Variants in ELOVL5 observed in about 807,000 individuals in gnomAD.
The protein encoded by ELOVL5 is ELOVL fatty acid elongase 5.
A neutral mutation model predicts 38.6 loss-of-function variants in ELOVL5; 8 were observed. The observed-to-expected ratio is 0.21, with a 90% confidence interval of 0.12 to 0.37. The LOEUF (loss-of-function observed/expected upper bound fraction) is 0.37, where lower values mean the gene tolerates loss of function less well. Ranked by LOEUF, ELOVL5 falls within the 10% of genes least tolerant of loss-of-function variation. The pLI is 1.00. For missense variants in ELOVL5, 280 were observed against 367.8 expected (o/e 0.76, Z 1.95); for synonymous variants, 127 against 133.7 (o/e 0.95, Z 0.34).
chr6:53,321,146 TG>T (rs1768289327), intron 1 of ELOVL5, among the ~76,000 whole-genome samples: 2 of 152,190 alleles, frequency 1.3e-5, no homozygotes, highest in Admixed American at 6.5e-5. Context: ...GATGTTCTGT[TG>T]GGTATGAAGC....
rs748688593 is a variant in ELOVL5, at chr6:53,269,166, CA to C, written c.860del (p.Leu287ArgfsTer5). The C allele has an allele frequency of 3.4e-5, 55 of 1,613,884 alleles. 1 individual carries two copies. In the African/African-American group the frequency reaches 5.3e-4, roughly 16 times the overall value. On this transcript the variant is annotated frameshift_variant, in exon 8 of 8. Transcript: ENST00000304434. LOFTEE classifies it high-confidence loss of function. Reference protein sequence around the residue: ...VNGHTNSFSPLENNVKPRKLR... With the variant: ...VNGHTNSFSPXENNVKPRKLR... ...GCTTCCTTGGCTTCACATTGTTTTC[CA>C]GGGGTGAAAAGCTGTTGGTGTGTCC... is the stretch of plus-strand genomic sequence containing the variant.
intron 1 of ELOVL5, among the ~76,000 whole-genome samples, chr6:53,313,721 G>T (rs1767929803): frequency 7.0e-6 from 1 of 142,852 alleles, no homozygotes; most frequent in East Asian, 2.0e-4. Flanking sequence ...AATAATAAAA[G>T]TTTACCATAT....
In ELOVL5 at chr6:53,303,976, C is replaced by T. The variant is rs186386371; in HGVS notation, c.-8-8269G>A. Among the ~76,000 whole-genome samples, 9 of 152,250 alleles carry T rather than the reference C, an allele frequency of 5.9e-5. No individual in the cohort carries two copies. In the East Asian group the frequency reaches 1.5e-3, roughly 26 times the overall value. On this transcript the variant is annotated intron_variant, in intron 1 of 7. Coordinates refer to ENST00000304434, the MANE Select transcript of ELOVL5 (RefSeq NM_021814.5). ...TACAAAGCCTACTTCCACTCCACTG[C>T]CCCTCTTGTTGCTGTCTAGACAACT...
rs138006096 is a variant in ELOVL5, at chr6:53,292,912, C to T, written c.59-949G>A. Among the ~76,000 whole-genome samples the T allele has an allele frequency of 1.7e-4, 26 of 150,946 alleles. No homozygotes were observed. In the East Asian group the frequency reaches 4.3e-3, roughly 25 times the overall value. The stretch of plus-strand genomic sequence containing the variant: ...AGTAGCATGAGAGCGAAGACCTAGG[C>T]GGATCCAGAGGAGATACTGGTATAG... On this transcript the variant is annotated intron_variant, in intron 2 of 7. Coordinates refer to ENST00000304434, the MANE Select transcript of ELOVL5 (RefSeq NM_021814.5).
chr6:53,319,292 A>G lies in ELOVL5; in HGVS notation c.-8-23585T>C, dbSNP rs1581974223. Among the ~76,000 whole-genome samples, 63 of 37,464 alleles carry G rather than the reference A, an allele frequency of 1.7e-3. 1 individual carries two copies. The highest frequency in any genetic ancestry group is 3.9e-3 in the Non-Finnish European group (44 of 11,190). 24.6% of individuals were successfully genotyped at this position (37,464 alleles called of 152,430 possible). On this transcript the variant is annotated intron_variant, in intron 1 of 7. Coordinates refer to ENST00000304434, the MANE Select transcript of ELOVL5 (RefSeq NM_021814.5). The stretch of plus-strand genomic sequence containing the variant: ...TCTCAAAAAAAAAAAAAAAAAAAAA[A>G]AAAAAAAAAAAAAAAAAAAAAAAAG...
At chr6:53,291,738 T>C (rs893142654) in intron 3 of ELOVL5, 38 bp downstream of exon 3, 7 of 1,527,158 alleles carry the variant, frequency 4.6e-6, no homozygotes, top group Non-Finnish European at 6.2e-6. Flanking sequence ...TATGAGTGCA[T>C]TTATGTGAAA....
chr6:53,275,691 G>GT (rs1283144696), intron 4 of ELOVL5, among the ~76,000 whole-genome samples: 2 of 152,202 alleles, frequency 1.3e-5, no homozygotes, highest in Non-Finnish European at 2.9e-5. Context: ...CAGAAGAAAA[G>GT]GAATCAGAAC....
intron 1 of ELOVL5, among the ~76,000 whole-genome samples, chr6:53,332,114 C>T (rs529732087): frequency 7.9e-5 from 12 of 152,178 alleles, no homozygotes. Flanking sequence ...CAAACACCTC[C>T]GAGTAGGCCC....
intron 1 of ELOVL5, among the ~76,000 whole-genome samples, chr6:53,331,284 C>T (rs538488725): frequency 1.3e-5 from 2 of 152,266 alleles, no homozygotes; most frequent in African/African-American, 4.8e-5. Context: ...TGTGATTACA[C>T]CACTGCACTC....
At chr6:53,285,728 C>T (rs544848413) in intron 3 of ELOVL5, among the ~76,000 whole-genome samples, 1 of 152,326 alleles carries the variant, frequency 6.6e-6, no homozygotes, top group Admixed American at 6.5e-5. Flanking sequence ...CCCACCTCGG[C>T]CTCCCAAGTA....
At position 53,291,973 on chromosome 6, in the gene ELOVL5, TA is replaced by T. The variant is rs575754470; in HGVS notation, c.59-11del. 2.2e-5 allele frequency: 32 copies of T among 1,436,202 alleles called. No homozygotes were observed. The highest frequency in any genetic ancestry group is 2.8e-5 in the South Asian group (2 of 70,386). 89.0% of individuals were successfully genotyped at this position (1,436,202 alleles called of 1,614,324 possible). A position where few individuals can be genotyped will look rare whatever the true frequency, so the allele number is the denominator to read the frequency against. On this transcript the variant is annotated splice_polypyrimidine_tract_variant and intron_variant, in intron 2 of 7. Transcript: ENST00000304434. ...CCTTTTACTCTAGTATCTGAAAAAT[TA>T]AAAAAAATTAATGATATATAAAAAC...
rs530803553 is a variant in ELOVL5, at chr6:53,270,441, C to A, written c.756+152G>T. ...TGTCTTCCAGTGAGCTGTGAGCCCC[C>A]CAGAGGCAGGGGCTGCTCTTGTCAT... On this transcript the variant is annotated intron_variant, in intron 7 of 7. Coordinates refer to ENST00000304434, the MANE Select transcript of ELOVL5 (RefSeq NM_021814.5). 3 of 769,892 alleles carry A rather than the reference C, an allele frequency of 3.9e-6. No individual in the cohort carries two copies. In the East Asian group the frequency reaches 8.1e-5, roughly 21 times the overall value. The allele number at this position is 769,892 out of a possible 1,614,324, so 47.7% of individuals were successfully genotyped here. A position where few individuals can be genotyped will look rare whatever the true frequency, so the allele number is the denominator to read the frequency against.
At chr6:53,284,831 T>C (rs957261163) in intron 3 of ELOVL5, among the ~76,000 whole-genome samples, 4 of 151,054 alleles carry the variant, frequency 2.6e-5, no homozygotes, top group Non-Finnish European at 2.9e-5. Context: ...TGGCGATCTG[T>C]GTGTGGTTAC....
chr6:53,320,552 T>C (rs1768262170), intron 1 of ELOVL5, among the ~76,000 whole-genome samples: 1 of 151,918 alleles, frequency 6.6e-6, no homozygotes, highest in Non-Finnish European at 1.5e-5. Context: ...CTCGATCTCC[T>C]GACCTCGTGA....
At chr6:53,293,994 T>C in intron 2 of ELOVL5, 1 of 841,314 alleles carries the variant, frequency 1.2e-6, no homozygotes, top group Non-Finnish European at 1.5e-6. Context: ...CTGTCAATTT[T>C]AAGAAAACCA....
intron 1 of ELOVL5, among the ~76,000 whole-genome samples, chr6:53,343,322 C>A (rs953312460): frequency 1.3e-5 from 2 of 152,134 alleles, no homozygotes; most frequent in African/African-American, 2.4e-5. Context: ...AAGTCATCCT[C>A]CCACCTCAGC....
In ELOVL5 at chr6:53,291,917, T is replaced by C; in HGVS notation, c.105A>G (p.Thr35=). The change falls in exon 3 of 8, where the codon ACA becomes ACG. Residue 35 remains threonine, a synonymous_variant. Transcript: ENST00000304434. ...GTAAATATATGACAGAGCAGATAAA[T>C]GTGGGTATATAATTGTCCAGAAGAA... is the stretch of plus-strand genomic sequence containing the variant. ...GWFLLDNYIP[T]FICSVIYLLI... 1 of 1,610,482 alleles carries C rather than the reference T, an allele frequency of 6.2e-7. No individual in the cohort carries two copies. Among genetic ancestry groups the C allele is most frequent in the Non-Finnish European group, 8.5e-7 (1 of 1,177,402 alleles).
intron 1 of ELOVL5, among the ~76,000 whole-genome samples, chr6:53,305,702 C>T (rs1168950549): frequency 6.6e-6 from 1 of 150,496 alleles, no homozygotes; most frequent in Non-Finnish European, 1.5e-5. Flanking sequence ...CGGGCAGAGA[C>T]GCTCCTCACT....
chr6:53,274,081 T>C (rs1766020000), intron 5 of ELOVL5, among the ~76,000 whole-genome samples: 1 of 152,200 alleles, frequency 6.6e-6, no homozygotes, highest in African/African-American at 2.4e-5. Flanking sequence ...ACACATCACA[T>C]CCATTCCCTG....
Sources: allele counts gnomAD v4.1 joint callset (sites outside exome capture counted in the v4.1 genomes callset), GRCh38; gene constraint gnomAD v4.1.1; transcripts MANE v1.5; gene names NCBI Gene and HGNC (gene_info 2026-07-23, HGNC 2026-07-21).